Variants in FGF2 observed in about 807,000 individuals in gnomAD.
FGF2 encodes the protein basic fibroblast growth factor bFGF.
Under a neutral mutation model 15.9 loss-of-function variants are expected in FGF2, and 13 were observed. That is an observed-to-expected ratio of 0.82 (90% confidence interval 0.53 to 1.30). The LOEUF is 1.30. Ranked by LOEUF, FGF2 falls within the 50% of genes most tolerant of loss-of-function variation. The pLI is 0.00. For synonymous variants in FGF2, 90 were observed against 78.4 expected (o/e 1.15, Z -0.78); for missense variants, 163 against 196.9 (o/e 0.83, Z 1.03).
At chr4:122,837,331 A>G (rs1182924443) in intron 1 of FGF2, among the ~76,000 whole-genome samples, 2 of 152,230 alleles carry the variant, frequency 1.3e-5, no homozygotes, top group African/African-American at 4.8e-5. Flanking sequence ...AAAACAATTC[A>G]TAAGTTTTTA....
chr4:122,831,800 A>G (rs899126594), intron 1 of FGF2, among the ~76,000 whole-genome samples: 3 of 152,224 alleles, frequency 2.0e-5, no homozygotes, highest in Admixed American at 6.5e-5. Context: ...GACTTTGACA[A>G]TGGTGTAACA....
intron 2 of FGF2, among the ~76,000 whole-genome samples, chr4:122,889,688 C>A (rs1321638732): frequency 1.3e-5 from 2 of 152,006 alleles, no homozygotes; most frequent in African/African-American, 4.8e-5. Flanking sequence ...TCCTTCCCTC[C>A]ACTGTTTTTT....
At chr4:122,841,164 A>C (rs1324342454) in intron 1 of FGF2, among the ~76,000 whole-genome samples, 6 of 152,302 alleles carry the variant, frequency 3.9e-5, no homozygotes, top group Admixed American at 3.9e-4. Flanking sequence ...AGTTTTTCGT[A>C]TTTAGGATTC....
chr4:122,826,897 C>A lies in FGF2; in HGVS notation c.-278C>A. On this transcript the variant is annotated 5_prime_UTR_variant, in exon 1 of 3. Transcript: ENST00000644866. ...CCGGGCGCTGCAGCTTGGGAGGCGG[C>A]TCTCCCCAGGCGGCGTCCGCGGAGA... 2 of 1,520,450 alleles carry A rather than the reference C, an allele frequency of 1.3e-6. No individual in the cohort carries two copies. Among genetic ancestry groups the A allele is most frequent in the Non-Finnish European group, 1.8e-6 (2 of 1,137,662 alleles). 94.2% of individuals were successfully genotyped at this position (1,520,450 alleles called of 1,614,324 possible).
intron 1 of FGF2, among the ~76,000 whole-genome samples, chr4:122,872,120 A>T (rs1428448783): frequency 1.3e-5 from 2 of 152,188 alleles, no homozygotes; most frequent in Non-Finnish European, 2.9e-5. Context: ...GACGCTAAGA[A>T]CCTTTATGAA....
intron 1 of FGF2, among the ~76,000 whole-genome samples, chr4:122,868,765 C>A (rs1726660731): frequency 6.6e-6 from 1 of 152,180 alleles, no homozygotes; most frequent in African/African-American, 2.4e-5. Context: ...TTCTCCACAG[C>A]CTTGCCAGTA....
intron 1 of FGF2, among the ~76,000 whole-genome samples, chr4:122,842,337 G>C (rs988915501): frequency 2.0e-5 from 3 of 152,178 alleles, no homozygotes; most frequent in Admixed American, 2.0e-4. Flanking sequence ...TCTGAGGAGA[G>C]GGTGCATAGC....
intron 1 of FGF2, among the ~76,000 whole-genome samples, chr4:122,844,022 C>T (rs140860249): frequency 3.7e-3 from 562 of 152,290 alleles, no homozygotes; most frequent in Non-Finnish European, 5.8e-3. Context: ...TTGACTTATC[C>T]TATCACGAAA....
intron 1 of FGF2, among the ~76,000 whole-genome samples, chr4:122,833,013 A>C (rs1006081506): frequency 6.6e-6 from 1 of 152,210 alleles, no homozygotes; most frequent in South Asian, 2.1e-4. Context: ...ACACCTTCAG[A>C]ATATTTTTAG....
At chr4:122,885,639 A>G (rs1478418558) in intron 2 of FGF2, among the ~76,000 whole-genome samples, 1 of 152,224 alleles carries the variant, frequency 6.6e-6, no homozygotes, top group Admixed American at 6.5e-5. Flanking sequence ...TTTTATTAAC[A>G]TCCTACATTA....
chr4:122,885,414 G>A (rs1416319632), intron 2 of FGF2, among the ~76,000 whole-genome samples: 1 of 152,212 alleles, frequency 6.6e-6, no homozygotes, highest in Non-Finnish European at 1.5e-5. Context: ...TTTGGGCATA[G>A]TAGAGCACAG....
chr4:122,866,350 A>G (rs935991270), intron 1 of FGF2, among the ~76,000 whole-genome samples: 110 of 149,132 alleles, frequency 7.4e-4, no homozygotes, highest in African/African-American at 2.5e-3. Context: ...CCTGGGTGAA[A>G]GAGCGAGACT....
Position 122,840,651 on chromosome 4 carries a change from T to C in FGF2, c.178+13299T>C, listed in dbSNP as rs147309596. Reference sequence around the variant, plus strand: ...AAATACCCCGATCCCGATTTAGACCTGTGGGTGCTGCCCCACGACCTCCAC... The same window carrying C: ...AAATACCCCGATCCCGATTTAGACCCGTGGGTGCTGCCCCACGACCTCCAC... On this transcript the variant is annotated intron_variant, in intron 1 of 2. Coordinates refer to ENST00000644866, the MANE Select transcript of FGF2 (RefSeq NM_001361665.2). 5.7e-5 allele frequency: 11 copies of C among 193,270 alleles called. No homozygotes were observed. The East Asian group carries it at 1.3e-3, about 23-fold the overall frequency. 12.0% of individuals were successfully genotyped at this position (193,270 alleles called of 1,614,324 possible). A position where few individuals can be genotyped will look rare whatever the true frequency, so the allele number is the denominator to read the frequency against.
At chr4:122,886,414 A>G (rs1027562512) in intron 2 of FGF2, among the ~76,000 whole-genome samples, 1 of 152,042 alleles carries the variant, frequency 6.6e-6, no homozygotes, top group Non-Finnish European at 1.5e-5. Flanking sequence ...TTTCCATACT[A>G]TACTGTTTGG....
chr4:122,892,141 A>C, intron 2 of FGF2, 70 bp from the exon 3 acceptor site: 3 of 1,301,676 alleles, frequency 2.3e-6, no homozygotes, highest in Non-Finnish European at 2.2e-6. Context: ...TACTATCATA[A>C]ATATTTAATA....
At chr4:122,861,124 C>G (rs949641556) in intron 1 of FGF2, among the ~76,000 whole-genome samples, 2 of 152,132 alleles carry the variant, frequency 1.3e-5, no homozygotes, top group African/African-American at 2.4e-5. Flanking sequence ...GGATTATGTC[C>G]TTTGCCCTTT....
chr4:122,879,532 T>G (rs1726920416), intron 2 of FGF2, among the ~76,000 whole-genome samples: 1 of 152,196 alleles, frequency 6.6e-6, no homozygotes, highest in Non-Finnish European at 1.5e-5. Context: ...GTGAATGCCT[T>G]GAGATTAGTT....
chr4:122,852,142 T>C (rs923419004), intron 1 of FGF2, among the ~76,000 whole-genome samples: 6 of 152,200 alleles, frequency 3.9e-5, no homozygotes, highest in Non-Finnish European at 8.8e-5. Flanking sequence ...TCTAAAATAG[T>C]GATTTTATAT....
At chr4:122,876,562 T>G in intron 2 of FGF2, 138 bp downstream of exon 2, 1 of 701,910 alleles carries the variant, frequency 1.4e-6, no homozygotes, top group Non-Finnish European at 2.6e-6. Context: ...TAGGGAGTAT[T>G]TTCTTTATTT....
Sources: allele counts gnomAD v4.1 joint callset (sites outside exome capture counted in the v4.1 genomes callset), GRCh38; gene constraint gnomAD v4.1.1; transcripts MANE v1.5; gene names NCBI Gene and HGNC (gene_info 2026-07-23, HGNC 2026-07-21).